COMMD1: variants seen among roughly 807,000 people sequenced by gnomAD.
COMMD1 encodes copper metabolism domain containing 1, also known as COMM domain-containing protein 1.
In COMMD1, 10 loss-of-function variants were observed where a neutral mutation model predicts 17.2. The ratio of observed to expected loss-of-function variants is 0.58; its 90% CI spans 0.36 to 0.99. COMMD1 has a LOEUF of 0.99. COMMD1 is among the 50% of genes least tolerant of loss of function. COMMD1 has a pLI of 0.01. For synonymous variants in COMMD1, 97 were observed against 91.6 expected, an observed-to-expected ratio of 1.06 and a Z score of -0.34; for missense variants, 270 against 231.8, an observed-to-expected ratio of 1.17 and a Z score of -1.07.
intron 2 of COMMD1, among the ~76,000 whole-genome samples, chr2:62,077,372 C>A (rs1285296811): frequency 6.6e-6 from 1 of 152,110 alleles, no homozygotes. Flanking sequence ...ACATTAGTTG[C>A]CTCCTTCTAT....
intron 1 of COMMD1, among the ~76,000 whole-genome samples, chr2:61,951,459 CAAA>C (rs78945501): frequency 3.1e-5 from 3 of 98,160 alleles, no homozygotes; most frequent in Admixed American, 1.1e-4. Context: ...GACTCTGTCT[CAAA>C]AAAAAAAAAA....
rs907782107 is a variant in COMMD1 at position 61,984,312 on chromosome 2, C to A, written c.181-16389C>A. ...AAGTGTTGGGATTACAGGCATGAGC[C>A]ACCGCGCTCAACCTGTTGTTTTTCC... On this transcript the variant is annotated intron_variant, in intron 1 of 2. Coordinates refer to ENST00000311832, the MANE Select transcript of COMMD1 (RefSeq NM_152516.4). 6.6e-5 allele frequency among the ~76,000 whole-genome samples: 10 copies of A among 152,344 alleles called. No homozygotes were observed. In the East Asian group the frequency reaches 1.7e-3, roughly 26 times the overall value.
intron 1 of COMMD1, among the ~76,000 whole-genome samples, chr2:61,943,352 CTAAAT>C (rs1670803299): frequency 6.6e-6 from 1 of 152,126 alleles, no homozygotes. Context: ...TTTTTCATTC[CTAAAT>C]TATTTGTTTC....
chr2:62,012,270 T>TACACACACACACACACACAAACACAC (rs1669300989), intron 2 of COMMD1, among the ~76,000 whole-genome samples: 1 of 129,896 alleles, frequency 7.7e-6, no homozygotes, highest in Non-Finnish European at 1.6e-5. Context: ...CACACACACA[T>TACACACACACACACACACAAACACAC]ACACACACAC....
chr2:61,951,584 A>G lies in COMMD1; in HGVS notation c.180+45726A>G, dbSNP rs1671055044. 2.6e-5 allele frequency among the ~76,000 whole-genome samples: 4 copies of G among 152,360 alleles called. No homozygotes were observed. In the South Asian group the frequency reaches 8.3e-4, roughly 32 times the overall value. Reference sequence around the variant, plus strand: ...TATTGAAATCTTTCTAAAATATATTAAAACTCTTACCTGGGACTTTCATTA... The same window carrying G: ...TATTGAAATCTTTCTAAAATATATTGAAACTCTTACCTGGGACTTTCATTA... On this transcript the variant is annotated intron_variant, in intron 1 of 2. Transcript: ENST00000311832.
In COMMD1 at chr2:61,997,671, T is replaced by C. The variant is rs112643688; in HGVS notation, c.181-3030T>C. 5.4e-3 allele frequency among the ~76,000 whole-genome samples: 830 copies of C among 152,330 alleles called. 11 individuals are homozygous for C. Among genetic ancestry groups the C allele is most frequent in the African/African-American group, 0.018 (742 of 41,572 alleles). ...TGTTTAGGCTTTGTTGTTCCATTTA[T>C]AGAGCACGGGCAGAGTAGATTTAAC... On this transcript the variant is annotated intron_variant, in intron 1 of 2. Transcript: ENST00000311832.
intron 2 of COMMD1, among the ~76,000 whole-genome samples, chr2:62,006,063 G>A (rs1364851495): frequency 6.6e-6 from 1 of 151,448 alleles, no homozygotes; most frequent in East Asian, 1.9e-4. Flanking sequence ...GATGAAATTG[G>A]AAATCATCAT....
chr2:62,096,474 G>GAAC (rs1354655175), intron 2 of COMMD1, among the ~76,000 whole-genome samples: 1 of 152,204 alleles, frequency 6.6e-6, no homozygotes, highest in Non-Finnish European at 1.5e-5. Context: ...GGATGGCCTA[G>GAAC]AACAGGTGCT....
Position 62,103,103 on chromosome 2 carries a change from A to C in COMMD1, c.463-32728A>C, listed in dbSNP as rs1175659420. On this transcript the variant is annotated intron_variant, in intron 2 of 2. Coordinates refer to ENST00000311832, the MANE Select transcript of COMMD1 (RefSeq NM_152516.4). ...AGGCCATTCTCCTGCCTCAGCCTCCAGAGAAGCTGGGACTACAGGTGCCTG... is the reference window on the plus strand; with the variant it reads ...AGGCCATTCTCCTGCCTCAGCCTCCCGAGAAGCTGGGACTACAGGTGCCTG... 4.6e-5 allele frequency among the ~76,000 whole-genome samples: 7 copies of C among 151,250 alleles called. No individual in the cohort carries two copies. The East Asian group carries it at 1.2e-3, about 25-fold the overall frequency.
intron 2 of COMMD1, among the ~76,000 whole-genome samples, chr2:62,028,257 G>A (rs978250310): frequency 2.6e-5 from 4 of 152,078 alleles, no homozygotes; most frequent in Admixed American, 2.6e-4. Flanking sequence ...TTTGCAGTAA[G>A]GTCTTCTTTT....
chr2:61,916,150 A>C (rs948721475), intron 1 of COMMD1, among the ~76,000 whole-genome samples: 5 of 151,866 alleles, frequency 3.3e-5, no homozygotes, highest in Non-Finnish European at 7.4e-5. Flanking sequence ...CTTTGTAGAG[A>C]TGGGTTTCAC....
At chr2:62,025,252 G>A (rs1448716141) in intron 2 of COMMD1, among the ~76,000 whole-genome samples, 1 of 150,224 alleles carries the variant, frequency 6.7e-6, no homozygotes, top group Non-Finnish European at 1.5e-5. Flanking sequence ...AAAAAACCAG[G>A]CTGGGTACGG....
intron 2 of COMMD1, among the ~76,000 whole-genome samples, chr2:62,090,974 A>G (rs1439251506): frequency 2.6e-5 from 4 of 152,188 alleles, no homozygotes; most frequent in African/African-American, 9.6e-5. Flanking sequence ...TACAATGTTT[A>G]AGGTCACATT....
intron 2 of COMMD1, among the ~76,000 whole-genome samples, chr2:62,018,618 G>GT (rs924750369): frequency 2.0e-5 from 3 of 152,240 alleles, no homozygotes; most frequent in East Asian, 1.9e-4. Context: ...TATTTAAGGC[G>GT]TAAAAAAACT....
At chr2:62,052,123 A>T (rs1336169280) in intron 2 of COMMD1, among the ~76,000 whole-genome samples, 1 of 152,090 alleles carries the variant, frequency 6.6e-6, no homozygotes, top group Non-Finnish European at 1.5e-5. Flanking sequence ...TTCAGCTGCA[A>T]ATAATAGAGA....
intron 1 of COMMD1, among the ~76,000 whole-genome samples, chr2:61,975,946 G>C (rs897793340): frequency 1.6e-4 from 24 of 152,118 alleles, no homozygotes; most frequent in Non-Finnish European, 3.5e-4. Context: ...TTCTGCTACT[G>C]TTGGATGAAG....
At chr2:62,036,971 T>A (rs561021111) in intron 2 of COMMD1, among the ~76,000 whole-genome samples, 6 of 152,206 alleles carry the variant, frequency 3.9e-5, no homozygotes, top group Non-Finnish European at 8.8e-5. Context: ...GACAATGAGT[T>A]TTTGTTGTAC....
chr2:62,064,366 T>C (rs1670966991), intron 2 of COMMD1, among the ~76,000 whole-genome samples: 1 of 151,954 alleles, frequency 6.6e-6, no homozygotes, highest in Non-Finnish European at 1.5e-5. Flanking sequence ...TAGAGATGGG[T>C]TTGCACCATT....
chr2:62,019,312 T>TA (rs1281260820), intron 2 of COMMD1, among the ~76,000 whole-genome samples: 2 of 151,860 alleles, frequency 1.3e-5, no homozygotes, highest in African/African-American at 4.8e-5. Context: ...TACCTGGGAT[T>TA]ACAGGCACCC....
Sources: gnomAD v4.1 joint callset for allele counts (sites outside exome capture counted in the v4.1 genomes callset) on GRCh38, gnomAD v4.1.1 for gene constraint, MANE v1.5 for transcripts, NCBI Gene and HGNC (gene_info 2026-07-23, HGNC 2026-07-21) for gene names.